The following KIAA1328 variants were observed in gnomAD, a reference collection of about 807,000 sequenced individuals.
KIAA1328 encodes KIAA1328.
Under a neutral mutation model 68.1 loss-of-function variants are expected in KIAA1328, and 52 were observed. The observed-to-expected ratio is 0.76, with a 90% CI of 0.61 to 0.96. The LOEUF (loss-of-function observed/expected upper bound fraction) is 0.96, where lower values mean the gene tolerates loss of function less well. Ranked by LOEUF, KIAA1328 falls within the 40% of genes least tolerant of loss-of-function variation. The pLI is 0.00. For missense variants in KIAA1328, 641 were observed against 677.6 expected (o/e 0.95, Z 0.60); for synonymous variants, 232 against 239.4 (o/e 0.97, Z 0.28).
intron 7 of KIAA1328, among the ~76,000 whole-genome samples, chr18:37,119,970 TA>T (rs2151930421): frequency 6.6e-6 from 1 of 152,240 alleles, no homozygotes; most frequent in African/African-American, 2.4e-5. Flanking sequence ...GATGAGCCTG[TA>T]AAAATGTCAT....
chr18:37,069,446 G>C (rs1217397990), intron 7 of KIAA1328, among the ~76,000 whole-genome samples: 1 of 151,960 alleles, frequency 6.6e-6, no homozygotes, highest in Non-Finnish European at 1.5e-5. Flanking sequence ...GTTTTGATGA[G>C]GGATATTGTT....
chr18:37,103,787 A>G (rs986573412), intron 7 of KIAA1328, among the ~76,000 whole-genome samples: 4 of 146,952 alleles, frequency 2.7e-5, no homozygotes, highest in South Asian at 4.3e-4. Flanking sequence ...TACACAAGGA[A>G]TAGTTCAATA....
chr18:37,020,642 T>C (rs530774563), intron 6 of KIAA1328, among the ~76,000 whole-genome samples: 1 of 152,328 alleles, frequency 6.6e-6, no homozygotes, highest in East Asian at 1.9e-4. Context: ...TTATGTAGAA[T>C]CAGTGGCAAA....
At chr18:36,834,617 T>C (rs1041922150) in intron 2 of KIAA1328, among the ~76,000 whole-genome samples, 4 of 152,178 alleles carry the variant, frequency 2.6e-5, no homozygotes, top group African/African-American at 9.7e-5. Flanking sequence ...AAGATTCTTT[T>C]CTTATTTTTT....
intron 7 of KIAA1328, among the ~76,000 whole-genome samples, chr18:37,069,589 G>A (rs1347531918): frequency 6.6e-6 from 1 of 152,078 alleles, no homozygotes; most frequent in Admixed American, 6.5e-5. Flanking sequence ...TGTAGAATTG[G>A]TGTTAATTCT....
In KIAA1328 at chr18:37,168,230, A is replaced by G. The variant is rs189108150; in HGVS notation, c.1415-4743A>G. The stretch of plus-strand genomic sequence containing the variant: ...ACTCTGCCATAGTAGGTCACCAAGG[A>G]CAAGGAGAGGTATTGGAAGAATACA... On this transcript the variant is annotated intron_variant, in intron 8 of 9. Coordinates refer to ENST00000280020, the MANE Select transcript of KIAA1328 (RefSeq NM_020776.3). Among the ~76,000 whole-genome samples, 6 of 152,376 alleles carry G rather than the reference A, an allele frequency of 3.9e-5. No homozygotes were observed. The East Asian group carries it at 1.2e-3, about 29-fold the overall frequency.
chr18:36,907,891 C>T (rs1291525178), intron 5 of KIAA1328, among the ~76,000 whole-genome samples: 1 of 151,974 alleles, frequency 6.6e-6, no homozygotes, highest in Admixed American at 6.6e-5. Context: ...GAGTTTTTTC[C>T]CCTTTCTAAT....
chr18:37,130,492 C>G (rs533358663), intron 7 of KIAA1328, among the ~76,000 whole-genome samples: 2 of 152,190 alleles, frequency 1.3e-5, no homozygotes, highest in East Asian at 3.9e-4. Flanking sequence ...GTGGTGCACA[C>G]CTGTAATCCC....
intron 9 of KIAA1328, among the ~76,000 whole-genome samples, chr18:37,219,596 C>T (rs2060517137): frequency 6.6e-6 from 1 of 152,232 alleles, no homozygotes; most frequent in Admixed American, 6.5e-5. Flanking sequence ...GCTGCACTAA[C>T]AGTGAGCAAG....
At chr18:36,889,790 C>A (rs1054468866) in intron 5 of KIAA1328, among the ~76,000 whole-genome samples, 1 of 152,024 alleles carries the variant, frequency 6.6e-6, no homozygotes, top group Admixed American at 6.6e-5. Flanking sequence ...GATGACTAAC[C>A]CAGGTTTCTC....
intron 7 of KIAA1328, among the ~76,000 whole-genome samples, chr18:37,106,543 C>T (rs113732686): frequency 0.02 from 3,085 of 152,030 alleles, 54 homozygotes; most frequent in East Asian, 0.084. Context: ...CACAGCCTCC[C>T]GAATAGCTGG....
At chr18:37,070,945 A>G (rs1391497481) in intron 7 of KIAA1328, among the ~76,000 whole-genome samples, 2 of 149,174 alleles carry the variant, frequency 1.3e-5, no homozygotes, top group Non-Finnish European at 3.0e-5. Context: ...CACCCTATAT[A>G]TGTTGTGATT....
intron 5 of KIAA1328, among the ~76,000 whole-genome samples, chr18:36,888,229 A>G (rs1451717101): frequency 4.6e-5 from 7 of 152,156 alleles, no homozygotes; most frequent in Non-Finnish European, 8.8e-5. Context: ...AATTCCAGCC[A>G]TACTCATTCC....
At chr18:37,010,679 T>A (rs1202470984) in intron 6 of KIAA1328, among the ~76,000 whole-genome samples, 2 of 152,080 alleles carry the variant, frequency 1.3e-5, no homozygotes, top group Non-Finnish European at 2.9e-5. Flanking sequence ...TGTGGAAGAA[T>A]AAGAGTTAAT....
At chr18:37,111,131 T>A (rs1568419725) in intron 7 of KIAA1328, among the ~76,000 whole-genome samples, 1 of 152,132 alleles carries the variant, frequency 6.6e-6, no homozygotes, top group Non-Finnish European at 1.5e-5. Context: ...GTAGGAGATA[T>A]ATATTATAAG....
At chr18:37,073,786 A>T (rs912447605) in intron 7 of KIAA1328, among the ~76,000 whole-genome samples, 1 of 152,098 alleles carries the variant, frequency 6.6e-6, no homozygotes. Context: ...GAGCGTATTC[A>T]TAAGTGCTTT....
intron 6 of KIAA1328, among the ~76,000 whole-genome samples, chr18:37,023,905 C>G (rs2054449981): frequency 6.6e-6 from 1 of 152,042 alleles, no homozygotes; most frequent in African/African-American, 2.4e-5. Flanking sequence ...ATTTTGTCAC[C>G]CAGGTAATAA....
intron 7 of KIAA1328, among the ~76,000 whole-genome samples, chr18:37,067,806 C>T (rs975595097): frequency 1.3e-5 from 2 of 152,082 alleles, no homozygotes; most frequent in Non-Finnish European, 2.9e-5. Context: ...GATCCACCCG[C>T]CTTGACCTCC....
chr18:37,057,839 A>C (rs897654820), intron 6 of KIAA1328, among the ~76,000 whole-genome samples: 1 of 152,198 alleles, frequency 6.6e-6, no homozygotes, highest in Non-Finnish European at 1.5e-5. Flanking sequence ...ACAAAAGCAG[A>C]GCTGTGCAGC....
Sources: gnomAD v4.1 joint callset for allele counts (sites outside exome capture counted in the v4.1 genomes callset) on GRCh38, gnomAD v4.1.1 for gene constraint, MANE v1.5 for transcripts, NCBI Gene and HGNC (gene_info 2026-07-23, HGNC 2026-07-21) for gene names.